Variants in HS3ST3A1 observed in about 807,000 individuals in gnomAD.
HS3ST3A1 encodes the protein heparan sulfate glucosamine 3-O-sulfotransferase 3A1.
HS3ST3A1 carries 19 observed loss-of-function variants against 25.7 expected under a neutral mutation model. That is an observed-to-expected ratio of 0.74 (90% CI 0.52 to 1.08). HS3ST3A1 has a LOEUF of 1.08. Among genes scored for constraint, HS3ST3A1 ranks in the 50% least tolerant of loss-of-function variants. The pLI, the probability that HS3ST3A1 is intolerant of heterozygous loss-of-function variation, is 0.00. For synonymous variants in HS3ST3A1, 226 were observed against 278.6 expected, an observed-to-expected ratio of 0.81 and a Z score of 1.88; for missense variants, 459 against 594.3, an observed-to-expected ratio of 0.77 and a Z score of 2.37.
chr17:13,594,967 T>C (rs62053926), intron 1 of HS3ST3A1, among the ~76,000 whole-genome samples: 19,176 of 152,202 alleles, frequency 0.13, 1,284 homozygotes, highest in Non-Finnish European at 0.15. Context: ...TGGCGCTACA[T>C]ATCACATTCA....
intron 1 of HS3ST3A1, among the ~76,000 whole-genome samples, chr17:13,520,810 C>T (rs557185027): frequency 2.6e-5 from 4 of 152,218 alleles, no homozygotes; most frequent in African/African-American, 9.6e-5. Context: ...TGGAATTTCA[C>T]CATGTTGGTC....
rs200461167 is a variant in HS3ST3A1, at chr17:13,599,589, G to GA, written c.599+941dup. Reference sequence around the variant, plus strand: ...AATTTTTACTGGTACTTTGAAGAAAGAAAAAAAAAGCCAATATATTATGGC... The same window carrying GA: ...AATTTTTACTGGTACTTTGAAGAAAGAAAAAAAAAAGCCAATATATTATGGC... On this transcript the variant is annotated intron_variant, in intron 1 of 1. Transcript: ENST00000284110. 7.6e-4 allele frequency among the ~76,000 whole-genome samples: 115 copies of GA among 150,452 alleles called. 1 individual carries two copies. The highest frequency in any genetic ancestry group is 9.3e-4 in the Non-Finnish European group (63 of 67,538).
intron 1 of HS3ST3A1, among the ~76,000 whole-genome samples, chr17:13,503,688 C>T (rs1401988759): frequency 6.6e-6 from 1 of 152,158 alleles, no homozygotes; most frequent in Non-Finnish European, 1.5e-5. Flanking sequence ...ATGACACACC[C>T]ACTGGTCATC....
At chr17:13,564,207 C>T (rs1002073426) in intron 1 of HS3ST3A1, among the ~76,000 whole-genome samples, 2 of 152,072 alleles carry the variant, frequency 1.3e-5, no homozygotes, top group Non-Finnish European at 2.9e-5. Context: ...GCATTTTTAC[C>T]CCTTGATGCA....
At chr17:13,545,067 TCAGTTTGGTAGTAA>T (rs1907046136) in intron 1 of HS3ST3A1, among the ~76,000 whole-genome samples, 1 of 152,124 alleles carries the variant, frequency 6.6e-6, no homozygotes, top group Admixed American at 6.5e-5. Flanking sequence ...ATTGAAATAA[TCAGTTTGGTAGTAA>T]CTGGCATGTG....
chr17:13,543,188 G>GA (rs540823981), intron 1 of HS3ST3A1, among the ~76,000 whole-genome samples: 1 of 152,120 alleles, frequency 6.6e-6, no homozygotes, highest in Admixed American at 6.5e-5. Context: ...AGCGTTCATG[G>GA]AAAACCCCAA....
chr17:13,553,778 C>T (rs1256447411), intron 1 of HS3ST3A1, among the ~76,000 whole-genome samples: 1 of 152,106 alleles, frequency 6.6e-6, no homozygotes, highest in East Asian at 1.9e-4. Flanking sequence ...TTTTTTTAAG[C>T]TCATCATCCC....
rs1908431148 is a variant in HS3ST3A1 at position 13,591,694 on chromosome 17, T to C, written c.599+8837A>G. 2.0e-5 allele frequency among the ~76,000 whole-genome samples: 3 copies of C among 149,768 alleles called. No homozygotes were observed. In the South Asian group the frequency reaches 6.3e-4, roughly 32 times the overall value. On this transcript the variant is annotated intron_variant, in intron 1 of 1. Coordinates refer to ENST00000284110, the MANE Select transcript of HS3ST3A1 (RefSeq NM_006042.3). ...TTTTTTTTGGGACAGAGTCTCACTC[T>C]GTTGCCCAGGCTGGAGTGCAGTGGC...
Position 13,508,339 on chromosome 17 carries a change from A to T in HS3ST3A1, c.600-11521T>A, listed in dbSNP as rs185640671. ...AGGAGAGAAAACTCAAGGACTCTTG[A>T]TCGTTAATTTTGGGGAACCTCATGA... On this transcript the variant is annotated intron_variant, in intron 1 of 1. Coordinates refer to ENST00000284110, the MANE Select transcript of HS3ST3A1 (RefSeq NM_006042.3). Among the ~76,000 whole-genome samples the T allele has an allele frequency of 8.5e-4, 129 of 152,316 alleles. 2 individuals are homozygous for T. In the East Asian group the frequency reaches 0.023, roughly 27 times the overall value.
chr17:13,505,742 T>G lies in HS3ST3A1; in HGVS notation c.600-8924A>C, dbSNP rs1406329695. ...CCTCTCCCCATTAAAAAAGAAAATTTGGGCTGGGCATGGTGGTTTACGCCT... is the reference window on the plus strand; with the variant it reads ...CCTCTCCCCATTAAAAAAGAAAATTGGGGCTGGGCATGGTGGTTTACGCCT... On this transcript the variant is annotated intron_variant, in intron 1 of 1. Coordinates refer to ENST00000284110, the MANE Select transcript of HS3ST3A1 (RefSeq NM_006042.3). Among the ~76,000 whole-genome samples the G allele has an allele frequency of 3.3e-5, 5 of 152,054 alleles. No homozygotes were observed. The East Asian group carries it at 7.7e-4, about 24-fold the overall frequency.
At chr17:13,519,268 A>G (rs904154109) in intron 1 of HS3ST3A1, among the ~76,000 whole-genome samples, 3 of 152,252 alleles carry the variant, frequency 2.0e-5, no homozygotes, top group Non-Finnish European at 4.4e-5. Context: ...TTAAGTCTGA[A>G]TGGTTACAGA....
intron 1 of HS3ST3A1, among the ~76,000 whole-genome samples, chr17:13,515,395 G>T (rs1265394428): frequency 6.6e-6 from 1 of 151,868 alleles, no homozygotes; most frequent in Admixed American, 6.6e-5. Flanking sequence ...CGTGACCTCA[G>T]GTGATCTGCC....
chr17:13,566,173 C>T (rs1210342194), intron 1 of HS3ST3A1, among the ~76,000 whole-genome samples: 4 of 152,176 alleles, frequency 2.6e-5, no homozygotes, highest in Non-Finnish European at 1.5e-5. Flanking sequence ...TGCTCACATG[C>T]TGTGTCTCTG....
At chr17:13,558,715 G>A (rs1907447175) in intron 1 of HS3ST3A1, among the ~76,000 whole-genome samples, 1 of 152,160 alleles carries the variant, frequency 6.6e-6, no homozygotes, top group Admixed American at 6.6e-5. Flanking sequence ...ACCATTTGCA[G>A]ACTTAATATA....
At chr17:13,564,657 C>G (rs951385007) in intron 1 of HS3ST3A1, among the ~76,000 whole-genome samples, 3 of 151,374 alleles carry the variant, frequency 2.0e-5, no homozygotes, top group Non-Finnish European at 2.9e-5. Context: ...TTGGTTGAAT[C>G]CCTGAATGTA....
At chr17:13,566,712 C>A (rs965494113) in intron 1 of HS3ST3A1, among the ~76,000 whole-genome samples, 1 of 152,148 alleles carries the variant, frequency 6.6e-6, no homozygotes, top group Non-Finnish European at 1.5e-5. Flanking sequence ...AAACCAGCCA[C>A]AACATCCCCT....
intron 1 of HS3ST3A1, among the ~76,000 whole-genome samples, chr17:13,546,656 C>T (rs3785705): frequency 0.88 from 133,422 of 152,232 alleles, 58,752 homozygotes; most frequent in African/African-American, 0.96. Flanking sequence ...CAGCCTCTCT[C>T]TTTAACTACC....
chr17:13,591,683 G>A (rs1400027321), intron 1 of HS3ST3A1, among the ~76,000 whole-genome samples: 1 of 138,012 alleles, frequency 7.2e-6, no homozygotes, highest in East Asian at 2.1e-4. Context: ...TTTTGGGACA[G>A]AGTCTCACTC....
chr17:13,575,527 T>C (rs1907928008), intron 1 of HS3ST3A1, among the ~76,000 whole-genome samples: 1 of 152,142 alleles, frequency 6.6e-6, no homozygotes, highest in South Asian at 2.1e-4. Context: ...AGGAAAAGAA[T>C]ACAAAAAATC....
Sources: gnomAD v4.1 joint callset for allele counts (sites outside exome capture counted in the v4.1 genomes callset) on GRCh38, gnomAD v4.1.1 for gene constraint, MANE v1.5 for transcripts, NCBI Gene and HGNC (gene_info 2026-07-23, HGNC 2026-07-21) for gene names.